The following GTF2IRD1 variants were observed in gnomAD, a reference collection of about 807,000 sequenced individuals.
GTF2IRD1 encodes general transcription factor II-I repeat domain-containing protein 1.
GTF2IRD1 carries 26 observed loss-of-function variants against 113.2 expected under a neutral mutation model. The ratio of observed to expected loss-of-function variants is 0.23; its 90% CI spans 0.17 to 0.32. The LOEUF is 0.32. GTF2IRD1 is among the 10% of genes least tolerant of loss of function. GTF2IRD1 has a pLI of 1.00. For synonymous variants in GTF2IRD1, 484 were observed against 529.1 expected (o/e 0.91, Z 1.17); for missense variants, 864 against 1,280.8 (o/e 0.67, Z 4.97).
chr7:74,577,540 A>T (rs1328299688), intron 22 of GTF2IRD1, among the ~76,000 whole-genome samples: 1 of 152,228 alleles, frequency 6.6e-6, no homozygotes, highest in Non-Finnish European at 1.5e-5. Flanking sequence ...TCGTACTTAT[A>T]CAACTTAATA....
intron 1 of GTF2IRD1, among the ~76,000 whole-genome samples, chr7:74,495,260 G>C (rs1173628419): frequency 6.6e-6 from 1 of 152,218 alleles, no homozygotes; most frequent in Non-Finnish European, 1.5e-5. Flanking sequence ...CCCAGGCCCA[G>C]GCTCTGGGCT....
intron 22 of GTF2IRD1, among the ~76,000 whole-genome samples, chr7:74,570,557 G>T (rs1357852827): frequency 6.6e-6 from 1 of 152,094 alleles, no homozygotes; most frequent in African/African-American, 2.4e-5. Context: ...GGGAGGCTGA[G>T]GAGGGAGGAT....
chr7:74,500,408 C>A (rs1268933372), intron 1 of GTF2IRD1, among the ~76,000 whole-genome samples: 1 of 150,522 alleles, frequency 6.6e-6, no homozygotes, highest in Non-Finnish European at 1.5e-5. Flanking sequence ...CATAGTGAGA[C>A]CCTATCTGTT....
At chr7:74,475,861 A>G (rs1011569076) in intron 1 of GTF2IRD1, among the ~76,000 whole-genome samples, 3 of 151,814 alleles carry the variant, frequency 2.0e-5, no homozygotes, top group Non-Finnish European at 2.9e-5. Flanking sequence ...GACTTCCTGG[A>G]CTCTGCGGCC....
At position 74,521,313 on chromosome 7, in the gene GTF2IRD1, C is replaced by T. The variant is rs892686891; in HGVS notation, c.1006+16C>T. ...GACAAGTCAGGTAGGACAGCGCCCACGAAGCACCCCGGCCTGAGTGGGAAT... is the reference window on the plus strand; with the variant it reads ...GACAAGTCAGGTAGGACAGCGCCCATGAAGCACCCCGGCCTGAGTGGGAAT... On this transcript the variant is annotated intron_variant, in intron 7 of 26. Coordinates refer to ENST00000424337, the MANE Select transcript of GTF2IRD1 (RefSeq NM_005685.4). 32 of 1,490,364 alleles carry T rather than the reference C, an allele frequency of 2.1e-5. No homozygotes were observed. The highest frequency in any genetic ancestry group is 2.8e-5 in the African/African-American group (2 of 72,550). 92.3% of individuals were successfully genotyped at this position (1,490,364 alleles called of 1,614,324 possible). A position where few individuals can be genotyped will look rare whatever the true frequency, so the allele number is the denominator to read the frequency against.
chr7:74,560,444 T>A (rs1293108974), intron 22 of GTF2IRD1, among the ~76,000 whole-genome samples: 1 of 147,494 alleles, frequency 6.8e-6, no homozygotes, highest in Non-Finnish European at 1.5e-5. Flanking sequence ...TTTAAAAAAA[T>A]ATTTTATATA....
In GTF2IRD1 at chr7:74,538,872, G is replaced by A. The variant is rs12673100; in HGVS notation, c.1528+112G>A. On this transcript the variant is annotated intron_variant, in intron 13 of 26. Transcript: ENST00000424337. ...CTCCAGGCCGCTGTTTCTCTCTGTG[G>A]ATTCTGAGAGCCATCGGGGTACTGT... 7.6e-5 allele frequency: 50 copies of A among 660,298 alleles called. No homozygotes were observed. In the East Asian group the frequency reaches 1.3e-3, roughly 17 times the overall value. The allele number at this position is 660,298 out of a possible 1,614,324, so 40.9% of individuals were successfully genotyped here. A position where few individuals can be genotyped will look rare whatever the true frequency, so the allele number is the denominator to read the frequency against.
At chr7:74,581,112 C>G (rs1323668351) in intron 22 of GTF2IRD1, among the ~76,000 whole-genome samples, 1 of 151,934 alleles carries the variant, frequency 6.6e-6, no homozygotes, top group South Asian at 2.1e-4. Flanking sequence ...CTCCGCCTCC[C>G]GGGTTCAAGT....
intron 22 of GTF2IRD1, among the ~76,000 whole-genome samples, chr7:74,579,942 C>A (rs1167854124): frequency 6.6e-6 from 1 of 152,138 alleles, no homozygotes. Context: ...CCCTCCTGCA[C>A]GCAGTGTCCA....
chr7:74,488,658 T>C (rs1429186820), intron 1 of GTF2IRD1, among the ~76,000 whole-genome samples: 1 of 151,946 alleles, frequency 6.6e-6, no homozygotes, highest in Non-Finnish European at 1.5e-5. Flanking sequence ...CTTGGGAGGC[T>C]GAGGCTGGAG....
At chr7:74,474,988 G>A (rs1208718583) in intron 1 of GTF2IRD1, among the ~76,000 whole-genome samples, 1 of 152,226 alleles carries the variant, frequency 6.6e-6, no homozygotes, top group South Asian at 2.1e-4. Flanking sequence ...CAGGTATGGT[G>A]GTGTGTGCCT....
At chr7:74,600,965 C>T in intron 25 of GTF2IRD1, 79 bp from the exon 26 acceptor site, 1 of 1,499,806 alleles carries the variant, frequency 6.7e-7, no homozygotes, top group Non-Finnish European at 9.2e-7. Context: ...TAAGACAGAG[C>T]ACTTTTCCAG....
intron 1 of GTF2IRD1, among the ~76,000 whole-genome samples, chr7:74,467,224 C>T (rs1401611205): frequency 6.6e-6 from 1 of 152,136 alleles, no homozygotes; most frequent in African/African-American, 2.4e-5. Context: ...GCTGGGATTA[C>T]AGGGGTGAGC....
intron 1 of GTF2IRD1, among the ~76,000 whole-genome samples, chr7:74,502,964 C>T (rs1554339913): frequency 6.6e-6 from 1 of 152,086 alleles, no homozygotes. Flanking sequence ...GTCAGGCGTT[C>T]GAGACCAGCC....
intron 8 of GTF2IRD1, among the ~76,000 whole-genome samples, chr7:74,529,249 G>A (rs1219671965): frequency 1.3e-5 from 2 of 151,970 alleles, no homozygotes; most frequent in Non-Finnish European, 2.9e-5. Context: ...GGAGCCACTG[G>A]ACATTTTTTA....
intron 1 of GTF2IRD1, among the ~76,000 whole-genome samples, chr7:74,484,529 G>A (rs1422145560): frequency 6.6e-6 from 1 of 150,866 alleles, no homozygotes; most frequent in Non-Finnish European, 1.5e-5. Context: ...TGCGATCTTG[G>A]CTTACTGCAA....
intron 1 of GTF2IRD1, among the ~76,000 whole-genome samples, chr7:74,490,599 C>T (rs1192106506): frequency 6.9e-6 from 1 of 145,708 alleles, no homozygotes; most frequent in Admixed American, 7.0e-5. Flanking sequence ...TTTGTTCTCT[C>T]AAGCTTCTTT....
intron 19 of GTF2IRD1, among the ~76,000 whole-genome samples, chr7:74,557,210 CCT>C (rs1554357271): frequency 6.6e-6 from 1 of 152,170 alleles, no homozygotes; most frequent in African/African-American, 2.4e-5. Flanking sequence ...AGGCCCATCC[CCT>C]GTGTCTGTGG....
At chr7:74,492,917 G>A (rs1489256957) in intron 1 of GTF2IRD1, among the ~76,000 whole-genome samples, 1 of 151,906 alleles carries the variant, frequency 6.6e-6, no homozygotes, top group Non-Finnish European at 1.5e-5. Flanking sequence ...CTATATGGAT[G>A]TCCAGTCTTC....
Sources: allele counts gnomAD v4.1 joint callset (sites outside exome capture counted in the v4.1 genomes callset), GRCh38; gene constraint gnomAD v4.1.1; transcripts MANE v1.5; gene names NCBI Gene and HGNC (gene_info 2026-07-23, HGNC 2026-07-21).